Variants in SPPL2A observed in about 807,000 individuals in gnomAD.
The protein encoded by SPPL2A is signal peptide peptidase like 2A.
SPPL2A carries 51 observed loss-of-function variants against 63.8 expected under a neutral mutation model. The ratio of observed to expected loss-of-function variants is 0.80; its 90% confidence interval spans 0.64 to 1.01. The LOEUF (loss-of-function observed/expected upper bound fraction) is 1.01, where lower values mean the gene tolerates loss of function less well. SPPL2A is among the 50% of genes least tolerant of loss of function. SPPL2A has a pLI of 0.00. For synonymous variants in SPPL2A, 188 were observed against 205.8 expected, an observed-to-expected ratio of 0.91 and a Z score of 0.74; for missense variants, 553 against 622.7, an observed-to-expected ratio of 0.89 and a Z score of 1.19.
rs1486228959 is a variant in SPPL2A, at chr15:50,765,478, A to G, written c.56T>C (p.Leu19Pro). 2 of 1,504,388 alleles carry G rather than the reference A, an allele frequency of 1.3e-6. No homozygotes were observed. Among genetic ancestry groups the G allele is most frequent in the African/African-American group, 1.4e-5 (1 of 69,384 alleles). The allele number at this position is 1,504,388 out of a possible 1,614,324, so 93.2% of individuals were successfully genotyped here. A position where few individuals can be genotyped will look rare whatever the true frequency, so the allele number is the denominator to read the frequency against. The change falls in exon 1 of 15, where the codon CTG becomes CCG. Residue 19 changes from leucine (L) to proline (P), a missense_variant. Transcript: ENST00000261854. The part of the protein sequence containing the change: ...PAGAALLWGF[L>P]LQLTAAQEAI... Reference sequence around the variant, plus strand: ...TTCCCGCCCCCTTACCAGCTGGAGCAGGAAGCCCCAGAGTAGGGCGGCCCC... The same window carrying G: ...TTCCCGCCCCCTTACCAGCTGGAGCGGGAAGCCCCAGAGTAGGGCGGCCCC...
rs2062551746 is a variant in SPPL2A, at chr15:50,711,011, T to C, written c.1489-3137A>G. ...CCAAAGTAATTATGACTCTGCTTGA[T>C]TTTTCTCTTCTGAGAAAAAAGTATC... On this transcript the variant is annotated intron_variant, in intron 14 of 14. Transcript: ENST00000261854. 4.6e-5 allele frequency among the ~76,000 whole-genome samples: 7 copies of C among 152,266 alleles called. No homozygotes were observed. The South Asian group carries it at 1.5e-3, about 32-fold the overall frequency.
At chr15:50,734,773 ACAC>A (rs1472853772) in intron 8 of SPPL2A, among the ~76,000 whole-genome samples, 1 of 152,242 alleles carries the variant, frequency 6.6e-6, no homozygotes, top group Non-Finnish European at 1.5e-5. Context: ...CTGTATCAAA[ACAC>A]CACATGTATC....
intron 14 of SPPL2A, among the ~76,000 whole-genome samples, chr15:50,713,581 T>C (rs1330232119): frequency 6.6e-6 from 1 of 151,970 alleles, no homozygotes; most frequent in African/African-American, 2.4e-5. Flanking sequence ...GAGTATTTTT[T>C]TTTTAACATC....
rs1017459177 is a variant in SPPL2A, at chr15:50,704,373, T to C, written c.*3427A>G. The C allele has an allele frequency of 1.0e-4, 15 of 143,900 alleles. No individual in the cohort carries two copies. The highest frequency in any genetic ancestry group is 3.6e-4 in the African/African-American group (14 of 39,372). The allele number at this position is 143,900 out of a possible 1,614,324, so 8.9% of individuals were successfully genotyped here. On this transcript the variant is annotated 3_prime_UTR_variant, in exon 15 of 15. Coordinates refer to ENST00000261854, the MANE Select transcript of SPPL2A (RefSeq NM_032802.4). Reference sequence around the variant, plus strand: ...AAAAAAAAAAAAAAAATCTACAAGCTAGAAGAAAATATAATGTATTAGAAT... The same window carrying C: ...AAAAAAAAAAAAAAAATCTACAAGCCAGAAGAAAATATAATGTATTAGAAT...
chr15:50,730,424 G>A (rs1345701997), intron 10 of SPPL2A, among the ~76,000 whole-genome samples: 3 of 152,080 alleles, frequency 2.0e-5, no homozygotes, highest in Admixed American at 6.6e-5. Context: ...TAGATAAATG[G>A]GACCTTTTTG....
intron 14 of SPPL2A, among the ~76,000 whole-genome samples, chr15:50,711,625 C>G (rs188498489): frequency 6.6e-6 from 1 of 152,268 alleles, no homozygotes; most frequent in East Asian, 1.9e-4. Context: ...TCAATAAGGT[C>G]TCCAAGTTAC....
intron 1 of SPPL2A, among the ~76,000 whole-genome samples, chr15:50,754,318 G>A (rs2062935884): frequency 6.6e-6 from 1 of 152,034 alleles, no homozygotes; most frequent in African/African-American, 2.4e-5. Context: ...GTTCATTCTT[G>A]GTGTACATCC....
chr15:50,754,074 G>T (rs1258807813), intron 1 of SPPL2A, among the ~76,000 whole-genome samples: 2 of 152,220 alleles, frequency 1.3e-5, no homozygotes, highest in African/African-American at 4.8e-5. Flanking sequence ...TGGGATTACA[G>T]GCGTGAGCCA....
chr15:50,741,261 C>A (rs140744299), intron 5 of SPPL2A, among the ~76,000 whole-genome samples: 2 of 151,642 alleles, frequency 1.3e-5, no homozygotes, highest in African/African-American at 4.8e-5. Flanking sequence ...CCCTCCTGGG[C>A]AAATCCTGGC....
chr15:50,765,281 A>G (rs1400113450), intron 1 of SPPL2A, among the ~76,000 whole-genome samples, 187 bp downstream of exon 1: 1 of 151,530 alleles, frequency 6.6e-6, no homozygotes, highest in Non-Finnish European at 1.5e-5. Flanking sequence ...AAGAGGGTGG[A>G]AAAGAGGAGG....
rs559227794 is a variant in SPPL2A, at chr15:50,741,288, G to C, written c.585-1460C>G. ...AATCCTGGCCCTGCTTGTTAGGTCT[G>C]GGCTCAATATAAAATTTAGGTTAAA... On this transcript the variant is annotated intron_variant, in intron 5 of 14. Transcript: ENST00000261854. 4.0e-5 allele frequency among the ~76,000 whole-genome samples: 6 copies of C among 150,720 alleles called. No individual in the cohort carries two copies. The South Asian group carries it at 1.0e-3, about 26-fold the overall frequency.
intron 14 of SPPL2A, among the ~76,000 whole-genome samples, chr15:50,710,600 G>A (rs183401395): frequency 1.3e-5 from 2 of 152,122 alleles, no homozygotes; most frequent in African/African-American, 4.8e-5. Flanking sequence ...TGGAAAGATG[G>A]GCTCTGAAAT....
intron 1 of SPPL2A, among the ~76,000 whole-genome samples, chr15:50,761,485 G>A (rs1252057223): frequency 6.6e-6 from 1 of 152,102 alleles, no homozygotes; most frequent in Admixed American, 6.6e-5. Flanking sequence ...GCGTGGTGGT[G>A]CATGCTTGTA....
intron 5 of SPPL2A, among the ~76,000 whole-genome samples, chr15:50,746,026 G>T (rs995283345): frequency 1.3e-5 from 2 of 151,920 alleles, no homozygotes; most frequent in Non-Finnish European, 2.9e-5. Context: ...ACTCCAGCCT[G>T]CATGACAGAG....
intron 1 of SPPL2A, among the ~76,000 whole-genome samples, chr15:50,757,502 C>T (rs1290181421): frequency 6.6e-6 from 1 of 152,144 alleles, no homozygotes; most frequent in East Asian, 1.9e-4. Context: ...TTTTACAGGC[C>T]AATTCCTTCA....
chr15:50,721,111 C>A (rs2062642775), intron 13 of SPPL2A, among the ~76,000 whole-genome samples: 2 of 152,252 alleles, frequency 1.3e-5, no homozygotes, highest in Admixed American at 6.5e-5. Flanking sequence ...AATCTTGTCT[C>A]TTGAACCCAC....
At chr15:50,753,590 C>T (rs1300541366) in intron 1 of SPPL2A, among the ~76,000 whole-genome samples, 1 of 152,134 alleles carries the variant, frequency 6.6e-6, no homozygotes, top group Non-Finnish European at 1.5e-5. Flanking sequence ...AACACTCAGA[C>T]CTCACAGTTA....
At chr15:50,755,028 G>A (rs1348653423) in intron 1 of SPPL2A, among the ~76,000 whole-genome samples, 1 of 145,912 alleles carries the variant, frequency 6.9e-6, no homozygotes, top group Non-Finnish European at 1.5e-5. Context: ...CAAAAAAAAC[G>A]CAAATTCGGG....
At chr15:50,712,899 C>A (rs919035067) in intron 14 of SPPL2A, among the ~76,000 whole-genome samples, 4 of 151,906 alleles carry the variant, frequency 2.6e-5, no homozygotes, top group Admixed American at 1.3e-4. Flanking sequence ...GTTGGTCAGG[C>A]TGTCTCAAAC....
Sources: allele counts gnomAD v4.1 joint callset (sites outside exome capture counted in the v4.1 genomes callset), GRCh38; gene constraint gnomAD v4.1.1; transcripts MANE v1.5; gene names NCBI Gene and HGNC (gene_info 2026-07-23, HGNC 2026-07-21).